Variants in HERC1 observed in about 807,000 individuals in gnomAD.
The protein encoded by HERC1 is probable E3 ubiquitin-protein ligase HERC1.
In HERC1, 160 loss-of-function variants were observed where a neutral mutation model predicts 554.3. The observed-to-expected ratio is 0.29, with a 90% CI of 0.25 to 0.33. The LOEUF (loss-of-function observed/expected upper bound fraction) is 0.33, where lower values mean the gene tolerates loss of function less well. HERC1 is among the 10% of genes least tolerant of loss of function. HERC1 has a pLI of 1.00. For missense variants in HERC1, 4,919 were observed against 5,918.5 expected (o/e 0.83, Z 5.54); for synonymous variants, 2,175 against 2,131.7 (o/e 1.02, Z -0.56).
intron 48 of HERC1, among the ~76,000 whole-genome samples, chr15:63,657,311 G>T (rs1274408469): frequency 6.7e-6 from 1 of 149,004 alleles, no homozygotes; most frequent in Non-Finnish European, 1.5e-5. Flanking sequence ...TCCCAGGCTG[G>T]TCTCAAACTC....
In HERC1 at chr15:63,733,072, G is replaced by A. The variant is rs1275377677; in HGVS notation, c.2720C>T (p.Ser907Leu). The A allele has an allele frequency of 6.2e-7, 1 of 1,613,896 alleles. No homozygotes were observed. Among genetic ancestry groups the A allele is most frequent in the South Asian group, 1.1e-5 (1 of 91,080 alleles). The change falls in exon 14 of 78, where the codon TCA becomes TTA. Residue 907 changes from serine (S) to leucine (L), a missense_variant. By Grantham distance (145) the Ser-to-Leu change is moderately radical. Around this residue, in one of 11 missense-constraint regions of HERC1, gnomAD observed 744 missense variants for 1,090.0 expected, o/e 0.68. Transcript: ENST00000443617. ...AGATAGGTCAGCAGCATCAGAGGGT[G>A]AACTATAGCCAAGTAGGGAGGCTAC... ...THVASLLGYS[S>L]PSDAADLSSV...
intron 12 of HERC1, among the ~76,000 whole-genome samples, chr15:63,738,027 G>A (rs2074624051): frequency 6.6e-6 from 1 of 152,144 alleles, no homozygotes; most frequent in African/African-American, 2.4e-5. Context: ...AGAAGCTACT[G>A]ATGGATGAAG....
intron 68 of HERC1, among the ~76,000 whole-genome samples, chr15:63,632,012 C>G (rs1253995214): frequency 6.6e-6 from 1 of 152,180 alleles, no homozygotes; most frequent in African/African-American, 2.4e-5. Context: ...TCTTCATAAT[C>G]AATCCTTCTG....
intron 33 of HERC1, among the ~76,000 whole-genome samples, chr15:63,688,912 C>A (rs1360717255): frequency 1.3e-5 from 2 of 152,124 alleles, no homozygotes; most frequent in African/African-American, 2.4e-5. Flanking sequence ...GGGGGAGACA[C>A]CCAGGCTAGC....
chr15:63,701,494 C>G (rs1053139531), intron 25 of HERC1, among the ~76,000 whole-genome samples: 21 of 152,118 alleles, frequency 1.4e-4, no homozygotes, highest in Non-Finnish European at 1.5e-5. Context: ...GCTTTGCAGA[C>G]CATAAGGTCT....
chr15:63,684,755 C>G (rs1185918803), intron 34 of HERC1, among the ~76,000 whole-genome samples: 1 of 152,158 alleles, frequency 6.6e-6, no homozygotes, highest in African/African-American at 2.4e-5. Context: ...CACCTGTAAT[C>G]CCAGCACTTT....
chr15:63,721,125 T>C (rs1380649461), intron 19 of HERC1, among the ~76,000 whole-genome samples: 1 of 152,136 alleles, frequency 6.6e-6, no homozygotes, highest in African/African-American at 2.4e-5. Flanking sequence ...GTTACAAATA[T>C]GAAATATCAG....
chr15:63,776,558 T>C (rs1275161551), intron 1 of HERC1, among the ~76,000 whole-genome samples: 1 of 152,176 alleles, frequency 6.6e-6, no homozygotes, highest in Admixed American at 6.5e-5. Flanking sequence ...ATCAAAATAG[T>C]GGTTGCCTCT....
intron 51 of HERC1, among the ~76,000 whole-genome samples, chr15:63,653,356 T>G (rs972055897): frequency 5.3e-5 from 8 of 151,902 alleles, no homozygotes; most frequent in Admixed American, 1.3e-4. Flanking sequence ...GGCAGGAGAA[T>G]CACTTGAACC....
At chr15:63,663,982 T>C (rs1015763037) in intron 43 of HERC1, among the ~76,000 whole-genome samples, 11 of 152,256 alleles carry the variant, frequency 7.2e-5, no homozygotes, top group African/African-American at 2.7e-4. Flanking sequence ...CTATAATTTA[T>C]ATTTTACATG....
At chr15:63,779,115 GAA>G (rs1255531322) in intron 1 of HERC1, among the ~76,000 whole-genome samples, 1 of 151,674 alleles carries the variant, frequency 6.6e-6, no homozygotes, top group Non-Finnish European at 1.5e-5. Context: ...GAAATAATTA[GAA>G]AAAGATAAGA....
chr15:63,678,256 A>G lies in HERC1; in HGVS notation c.6659T>C (p.Ile2220Thr). The G allele has an allele frequency of 6.2e-7, 1 of 1,613,762 alleles. No homozygotes were observed. The highest frequency in any genetic ancestry group is 8.5e-7 in the Non-Finnish European group (1 of 1,179,844). Residue 2220 changes from isoleucine (I) to threonine (T), a missense_variant, in exon 37 of 78, where the codon ATC becomes ACC. Coordinates refer to ENST00000443617, the MANE Select transcript of HERC1 (RefSeq NM_003922.4). ...AVLAEATIQL[I>T]RILHRTDRWT... ...ACGGTCTGTTCGGTGAAGGATACGG[A>G]TGAGCTGAATAGTGGCCTCAGCCAG... is the stretch of plus-strand genomic sequence containing the variant.
At chr15:63,735,624 G>A (rs934870328) in intron 12 of HERC1, among the ~76,000 whole-genome samples, 2 of 151,920 alleles carry the variant, frequency 1.3e-5, no homozygotes, top group African/African-American at 4.8e-5. Flanking sequence ...AGGAATAGGA[G>A]CTGCATTATC....
chr15:63,696,336 G>T lies in HERC1; in HGVS notation c.4909C>A (p.Arg1637Ser). 1 of 1,603,432 alleles carries T rather than the reference G, an allele frequency of 6.2e-7. No individual in the cohort carries two copies. The highest frequency in any genetic ancestry group is 8.5e-7 in the Non-Finnish European group (1 of 1,174,134). Residue 1637 changes from arginine (R) to serine (S), a missense_variant, in exon 27 of 78, where the codon CGT (arginine) becomes AGT (serine). Physicochemically the swap from Arg to Ser is moderately radical, Grantham distance 110. Transcript: ENST00000443617. ...MEQQQLRAEL[R>S]LEALHQILVL... ...AGGATCTGATGAAGTGCCTCTAAACGAAGCTTGAGGAAAAAAACATATTTT... is the reference window on the plus strand; with the variant it reads ...AGGATCTGATGAAGTGCCTCTAAACTAAGCTTGAGGAAAAAAACATATTTT...
chr15:63,680,844 C>T lies in HERC1; in HGVS notation c.6226-68G>A. ...TTTATATACTATTAACTGCATTAAC[C>T]AATACTGAAAATATGTTTATAAATA... On this transcript the variant is annotated intron_variant, in intron 34 of 77. Transcript: ENST00000443617. The surrounding 1 kb of genome is among the most constrained non-coding windows in gnomAD (Gnocchi z 5.8). The T allele has an allele frequency of 9.7e-7, 1 of 1,028,370 alleles. No homozygotes were observed. The highest frequency in any genetic ancestry group is 1.5e-6 in the Non-Finnish European group (1 of 671,574). 63.7% of individuals were successfully genotyped at this position (1,028,370 alleles called of 1,614,324 possible).
intron 33 of HERC1, among the ~76,000 whole-genome samples, chr15:63,688,624 TAGA>T (rs1189720166): frequency 2.6e-5 from 4 of 151,870 alleles, no homozygotes; most frequent in Non-Finnish European, 2.9e-5. Flanking sequence ...TTAGATTGAA[TAGA>T]AGAAGAAGAA....
intron 12 of HERC1, among the ~76,000 whole-genome samples, chr15:63,744,922 T>A (rs1033008129): frequency 6.6e-6 from 1 of 152,148 alleles, no homozygotes; most frequent in Non-Finnish European, 1.5e-5. Context: ...CAGCTGGGTA[T>A]CAATGCTGGT....
At chr15:63,817,535 C>G (rs1156735869) in intron 1 of HERC1, among the ~76,000 whole-genome samples, 4 of 152,098 alleles carry the variant, frequency 2.6e-5, no homozygotes, top group African/African-American at 9.7e-5. Context: ...GCCAACATGA[C>G]AAAACCGCAT....
chr15:63,734,917 G>A lies in HERC1; in HGVS notation c.2521-68C>T, dbSNP rs2074434795. On this transcript the variant is annotated intron_variant, in intron 12 of 77. Transcript: ENST00000443617. This position sits in a 1 kb window ranked among gnomAD's most constrained non-coding sequence, Gnocchi z 4.6. ...AGTTTTTAATAAAAACACACTTAAAGCGAACTCACTGACTACTAGGATCAT... is the reference window on the plus strand; with the variant it reads ...AGTTTTTAATAAAAACACACTTAAAACGAACTCACTGACTACTAGGATCAT... 4 of 1,358,966 alleles carry A rather than the reference G, an allele frequency of 2.9e-6. No homozygotes were observed. The highest frequency in any genetic ancestry group is 1.5e-5 in the African/African-American group (1 of 67,682). The allele number at this position is 1,358,966 out of a possible 1,614,324, so 84.2% of individuals were successfully genotyped here. A position where few individuals can be genotyped will look rare whatever the true frequency, so the allele number is the denominator to read the frequency against.
Sources: gnomAD v4.1 joint callset for allele counts (sites outside exome capture counted in the v4.1 genomes callset) on GRCh38, gnomAD v4.1.1 for gene constraint, gnomAD v4.1.1 regional missense constraint, Gnocchi (gnomAD v3.1) non-coding constraint, MANE v1.5 for transcripts, NCBI Gene and HGNC (gene_info 2026-07-23, HGNC 2026-07-21) for gene names.